KIF26B: variants seen among roughly 807,000 people sequenced by gnomAD.
KIF26B encodes kinesin family member 26B, also known as kinesin-like protein KIF26B.
Under a neutral mutation model 151.2 loss-of-function variants are expected in KIF26B, and 63 were observed. That is an observed-to-expected ratio of 0.42 (90% CI 0.34 to 0.51). KIF26B has a LOEUF of 0.51. Among genes scored for constraint, KIF26B ranks in the 20% least tolerant of loss-of-function variants. KIF26B has a pLI of 0.07. For synonymous variants in KIF26B, 1,357 were observed against 1,262.1 expected (o/e 1.08, Z -1.59); for missense variants, 2,813 against 2,913.6 (o/e 0.97, Z 0.79).
chr1:245,412,401 T>C (rs978851453), intron 3 of KIF26B, among the ~76,000 whole-genome samples: 3 of 152,200 alleles, frequency 2.0e-5, no homozygotes, highest in African/African-American at 7.2e-5. Flanking sequence ...TCTCCGTAGA[T>C]GTCTCTACAC....
chr1:245,677,052 T>C (rs1558264910), intron 10 of KIF26B, among the ~76,000 whole-genome samples: 1 of 152,208 alleles, frequency 6.6e-6, no homozygotes, highest in African/African-American at 2.4e-5. Flanking sequence ...CAGTGTTTCA[T>C]AAAAAGAGAT....
intron 2 of KIF26B, among the ~76,000 whole-genome samples, chr1:245,300,184 C>A (rs569411282): frequency 1.7e-4 from 26 of 152,322 alleles, no homozygotes; most frequent in African/African-American, 6.3e-4. Flanking sequence ...TTGAGTGGAA[C>A]CTCCAAAGAT....
rs1352753740 is a variant in KIF26B, at chr1:245,688,292, G to T, written c.5309G>T (p.Gly1770Val). ...TKSLPQAVGQGSSSPPGGKHT... is the reference protein window; with the variant it reads ...TKSLPQAVGQVSSSPPGGKHT... The stretch of plus-strand genomic sequence containing the variant: ...TCCCTGCCGCAGGCGGTGGGCCAGG[G>T]CTCCAGCTCGCCCCCCGGTGGGAAG... The change falls in exon 12 of 15, where the codon GGC (glycine) becomes GTC (valine). Residue 1770 changes from glycine to valine, a missense_variant. Physicochemically the swap from Gly to Val is moderately radical, Grantham distance 109. Transcript: ENST00000407071. 11 of 1,596,254 alleles carry T rather than the reference G, an allele frequency of 6.9e-6. No homozygotes were observed. In the Admixed American group the frequency reaches 1.8e-4, roughly 27 times the overall value.
rs138502394 is a variant in KIF26B at position 245,294,506 on chromosome 1, T to C, written c.466-72328T>C. Among the ~76,000 whole-genome samples, 3 of 152,338 alleles carry C rather than the reference T, an allele frequency of 2.0e-5. No individual in the cohort carries two copies. The East Asian group carries it at 5.8e-4, about 29-fold the overall frequency. ...GGAGTCAAAGTTAACAAGACTACCC[T>C]TGAACAATGTGAAACTCAACCAGGT... is the stretch of plus-strand genomic sequence containing the variant. On this transcript the variant is annotated intron_variant, in intron 2 of 14. Coordinates refer to ENST00000407071, the MANE Select transcript of KIF26B (RefSeq NM_018012.4).
chr1:245,367,400 G>T lies in KIF26B; in HGVS notation c.999+33G>T. ...GCCTGTGTGAGCCAGGAAGAGCAGG[G>T]CTGGCTGGAGTCAAAGCGGAGAAGT... On this transcript the variant is annotated intron_variant, in intron 3 of 14. Transcript: ENST00000407071. This position sits in a 1 kb window ranked among gnomAD's most constrained non-coding sequence, Gnocchi z 4.2. 1 of 1,541,400 alleles carries T rather than the reference G, an allele frequency of 6.5e-7. No individual in the cohort carries two copies. Among genetic ancestry groups the T allele is most frequent in the Non-Finnish European group, 8.8e-7 (1 of 1,139,368 alleles).
intron 10 of KIF26B, among the ~76,000 whole-genome samples, chr1:245,648,639 A>T (rs143666731): frequency 1.0e-3 from 159 of 152,066 alleles, no homozygotes; most frequent in African/African-American, 3.5e-3. Context: ...TCTCAAAAAA[A>T]AAAAAATAAA....
intron 4 of KIF26B, among the ~76,000 whole-genome samples, chr1:245,493,830 A>C (rs1392044755): frequency 6.6e-6 from 1 of 152,210 alleles, no homozygotes; most frequent in African/African-American, 2.4e-5. Context: ...CAGACCTGCC[A>C]AGGCGGACAA....
At chr1:245,571,106 A>G (rs541855714) in intron 5 of KIF26B, among the ~76,000 whole-genome samples, 1 of 152,310 alleles carries the variant, frequency 6.6e-6, no homozygotes, top group Admixed American at 6.5e-5. Flanking sequence ...GTTAGATCCT[A>G]AGTCCCTCCA....
chr1:245,476,363 T>C (rs933885917), intron 4 of KIF26B, among the ~76,000 whole-genome samples: 6 of 151,870 alleles, frequency 4.0e-5, no homozygotes, highest in African/African-American at 1.4e-4. Flanking sequence ...TCTGTGAATA[T>C]ATGAAAAATC....
At chr1:245,317,881 G>C (rs1399654847) in intron 2 of KIF26B, among the ~76,000 whole-genome samples, 1 of 152,198 alleles carries the variant, frequency 6.6e-6, no homozygotes, top group Non-Finnish European at 1.5e-5. Flanking sequence ...AACAAGAAAA[G>C]TTTGCTAACG....
chr1:245,217,203 CAAT>C (rs750132442), intron 2 of KIF26B, among the ~76,000 whole-genome samples: 33 of 152,248 alleles, frequency 2.2e-4, no homozygotes, highest in South Asian at 4.1e-4. Flanking sequence ...AAAACAACAA[CAAT>C]GACAAGAACA....
chr1:245,330,752 GTGGGGGAGGGAGTGGTGGAGGGAT>G (rs1672090069), intron 2 of KIF26B, among the ~76,000 whole-genome samples: 2 of 82,354 alleles, frequency 2.4e-5, no homozygotes, highest in Admixed American at 2.5e-4. Flanking sequence ...CGGGGAGGGA[GTGGGGGAGGGAGTGGTGGAGGGAT>G]TGGGGGAGGG....
chr1:245,490,611 T>G (rs1240500749), intron 4 of KIF26B, among the ~76,000 whole-genome samples: 4 of 152,164 alleles, frequency 2.6e-5, no homozygotes, highest in Middle Eastern at 3.4e-3. Context: ...GCACCTGGCC[T>G]GTAGAACACA....
chr1:245,500,217 A>T (rs10924216), intron 4 of KIF26B, among the ~76,000 whole-genome samples: 21 of 152,198 alleles, frequency 1.4e-4, no homozygotes, highest in South Asian at 2.1e-4. Context: ...CCATTTCATC[A>T]GGGCACTGAC....
chr1:245,302,308 G>T lies in KIF26B; in HGVS notation c.466-64526G>T, dbSNP rs142666129. On this transcript the variant is annotated intron_variant, in intron 2 of 14. Coordinates refer to ENST00000407071, the MANE Select transcript of KIF26B (RefSeq NM_018012.4). ...GATGCCATAAGGAGTGTCAGCCTTT[G>T]CTGGCCTCAATAATCTCGTCTTGGG... 3.9e-3 allele frequency among the ~76,000 whole-genome samples: 601 copies of T among 152,314 alleles called. 6 individuals carry two copies. Among genetic ancestry groups the T allele is most frequent in the African/African-American group, 0.014 (575 of 41,562 alleles).
At chr1:245,223,803 C>T (rs1054307481) in intron 2 of KIF26B, among the ~76,000 whole-genome samples, 2 of 152,126 alleles carry the variant, frequency 1.3e-5, no homozygotes, top group African/African-American at 4.8e-5. Flanking sequence ...CTGACATGTA[C>T]GTAGATGGTG....
At chr1:245,179,066 T>C (rs748473537) in intron 2 of KIF26B, among the ~76,000 whole-genome samples, 2 of 152,180 alleles carry the variant, frequency 1.3e-5, no homozygotes, top group African/African-American at 4.8e-5. Context: ...AGATATTTAA[T>C]GAAAACTTGT....
chr1:245,657,917 C>T (rs2044091785), intron 10 of KIF26B, among the ~76,000 whole-genome samples: 1 of 152,178 alleles, frequency 6.6e-6, no homozygotes, highest in Non-Finnish European at 1.5e-5. Context: ...GTGCCCACCA[C>T]CCAGGTTAGG....
chr1:245,400,508 A>G (rs1335735064), intron 3 of KIF26B, among the ~76,000 whole-genome samples: 1 of 87,712 alleles, frequency 1.1e-5, no homozygotes, highest in African/African-American at 3.6e-5. Flanking sequence ...TTTTTTTTTG[A>G]AATTACCTTG....
Sources: allele counts gnomAD v4.1 joint callset (sites outside exome capture counted in the v4.1 genomes callset), GRCh38; gene constraint gnomAD v4.1.1; non-coding constraint Gnocchi (gnomAD v3.1); transcripts MANE v1.5; gene names NCBI Gene and HGNC (gene_info 2026-07-23, HGNC 2026-07-21).